The following CACNA1A variants were observed in gnomAD, a reference collection of about 807,000 sequenced individuals.
The protein encoded by CACNA1A is calcium voltage-gated channel subunit alpha1 A, also known as voltage-dependent P/Q-type calcium channel subunit alpha-1A.
CACNA1A carries 57 observed loss-of-function variants against 262.4 expected under a neutral mutation model. The ratio of observed to expected loss-of-function variants is 0.22; its 90% CI spans 0.18 to 0.27. CACNA1A has a LOEUF of 0.27. Among genes scored for constraint, CACNA1A ranks in the 10% least tolerant of loss-of-function variants. The pLI, the probability that CACNA1A is intolerant of heterozygous loss-of-function variation, is 1.00. For missense variants in CACNA1A, 2,526 were observed against 3,562.8 expected, an observed-to-expected ratio of 0.71 and a Z score of 7.41; for synonymous variants, 1,431 against 1,419.3, an observed-to-expected ratio of 1.01 and a Z score of -0.18.
intron 36 of CACNA1A, chr19:13,228,811 AG>A: frequency 1.3e-6 from 2 of 1,500,590 alleles, no homozygotes; most frequent in Non-Finnish European, 1.8e-6. Flanking sequence ...AGGAGAAGAA[AG>A]GGGGTTAGTG....
At position 13,207,130 on chromosome 19, in the gene CACNA1A, T is replaced by C. The variant is rs2054597058; in HGVS notation, c.*183A>G. 1.7e-6 allele frequency: 1 copy of C among 594,576 alleles called. No individual in the cohort carries two copies. 36.8% of individuals were successfully genotyped at this position (594,576 alleles called of 1,614,324 possible). A position where few individuals can be genotyped will look rare whatever the true frequency, so the allele number is the denominator to read the frequency against. ...CGTGGCTGCCCAGGAGGGTCTCTTT[T>C]GGCCGAGGGTCTCTGCGGGACACCC... is the stretch of plus-strand genomic sequence containing the variant. On this transcript the variant is annotated 3_prime_UTR_variant, in exon 47 of 47. Coordinates refer to ENST00000360228, the MANE Select transcript of CACNA1A (RefSeq NM_001127222.2). The surrounding 1 kb of genome is among the most constrained non-coding windows in gnomAD (Gnocchi z 5.7).
chr19:13,433,479 A>AAAAAAAAAAAAAAAAAAAAAAC (rs2060556801), intron 3 of CACNA1A, among the ~76,000 whole-genome samples: 1 of 128,002 alleles, frequency 7.8e-6, no homozygotes, highest in Non-Finnish European at 1.7e-5. Flanking sequence ...AAAAAAAAAA[A>AAAAAAAAAAAAAAAAAAAAAAC]AAAAGTCAGC....
chr19:13,465,731 C>T (rs147603435), intron 1 of CACNA1A, among the ~76,000 whole-genome samples: 5 of 151,914 alleles, frequency 3.3e-5, no homozygotes, highest in South Asian at 2.1e-4. Flanking sequence ...TCAAGCGATC[C>T]GCCCACCTCA....
At chr19:13,224,532 C>T in intron 38 of CACNA1A, 135 bp downstream of exon 38, 1 of 645,204 alleles carries the variant, frequency 1.5e-6, no homozygotes, top group Non-Finnish European at 2.7e-6. Context: ...CCCAAAAAAC[C>T]CTGTGGAACG....
intron 15 of CACNA1A, chr19:13,307,488 C>A (rs1051513462): frequency 7.6e-5 from 23 of 302,894 alleles, no homozygotes; most frequent in African/African-American, 1.3e-4. Context: ...CCCACCTGGG[C>A]TTCCCAAAGC....
At chr19:13,468,354 C>T (rs1256414491) in intron 1 of CACNA1A, among the ~76,000 whole-genome samples, 1 of 152,096 alleles carries the variant, frequency 6.6e-6, no homozygotes, top group African/African-American at 2.4e-5. Context: ...AATTTTCAAC[C>T]ACTTTCCCTT....
At chr19:13,246,323 G>A (rs1007894700) in intron 30 of CACNA1A, among the ~76,000 whole-genome samples, 6 of 152,160 alleles carry the variant, frequency 3.9e-5, no homozygotes, top group Admixed American at 6.5e-5. Flanking sequence ...GTGTGTCTAG[G>A]TGCAGTGATG....
At chr19:13,501,305 A>G (rs1982348823) in intron 1 of CACNA1A, among the ~76,000 whole-genome samples, 1 of 151,724 alleles carries the variant, frequency 6.6e-6, no homozygotes, top group African/African-American at 2.4e-5. Context: ...CCTCCCGAGT[A>G]GCTGGGATTA....
rs769593975 is a variant in CACNA1A, at chr19:13,214,225, C to G, written c.5940+8G>C. 28 of 1,602,858 alleles carry G rather than the reference C, an allele frequency of 1.7e-5. No homozygotes were observed. The highest frequency in any genetic ancestry group is 3.3e-4 in the Middle Eastern group (2 of 6,078). On this transcript the variant is annotated splice_region_variant and intron_variant, in intron 40 of 46. Transcript: ENST00000360228. This position sits in a 1 kb window ranked among gnomAD's most constrained non-coding sequence, Gnocchi z 4.1. ...GCCCAGATGTCCCCAGAGCGGCGAACAGCGCACCTGCTCCTCGCGCATGGC... is the reference window on the plus strand; with the variant it reads ...GCCCAGATGTCCCCAGAGCGGCGAAGAGCGCACCTGCTCCTCGCGCATGGC...
intron 6 of CACNA1A, among the ~76,000 whole-genome samples, chr19:13,355,929 C>T (rs1451092583): frequency 6.6e-6 from 1 of 152,198 alleles, no homozygotes; most frequent in African/African-American, 2.4e-5. Flanking sequence ...CCAAAAATGT[C>T]TGCAGCCACT....
intron 1 of CACNA1A, among the ~76,000 whole-genome samples, chr19:13,483,385 G>A (rs1485181836): frequency 6.6e-6 from 1 of 152,070 alleles, no homozygotes; most frequent in Non-Finnish European, 1.5e-5. Flanking sequence ...ACACCTTTAA[G>A]AAGACTGCTC....
rs371409743 is a variant in CACNA1A at position 13,350,146 on chromosome 19, GT to G, written c.978+9459del. On this transcript the variant is annotated intron_variant, in intron 6 of 46. Coordinates refer to ENST00000360228, the MANE Select transcript of CACNA1A (RefSeq NM_001127222.2). Reference sequence around the variant, plus strand: ...CACGCCATCCCAAAGCTCTTAGGGGGTAGGTTCATCTTGAGGCCCAGCCAGT... The same window carrying G: ...CACGCCATCCCAAAGCTCTTAGGGGGAGGTTCATCTTGAGGCCCAGCCAGT... Among the ~76,000 whole-genome samples, 162 of 152,306 alleles carry G rather than the reference GT, an allele frequency of 1.1e-3. 1 individual carries two copies. Among genetic ancestry groups the G allele is most frequent in the Admixed American group, 2.6e-3 (39 of 15,290 alleles).
chr19:13,375,900 G>A (rs2059397277), intron 3 of CACNA1A, among the ~76,000 whole-genome samples: 1 of 152,186 alleles, frequency 6.6e-6, no homozygotes. Context: ...GTAAACACAT[G>A]AATGATAAGA....
chr19:13,238,758 GTAT>G (rs1476869161), intron 31 of CACNA1A, among the ~76,000 whole-genome samples: 1 of 151,974 alleles, frequency 6.6e-6, no homozygotes, highest in Non-Finnish European at 1.5e-5. Context: ...GCTAATTTTT[GTAT>G]TTTTTAGGAG....
At chr19:13,247,490 A>C (rs2056270504) in intron 30 of CACNA1A, among the ~76,000 whole-genome samples, 1 of 152,032 alleles carries the variant, frequency 6.6e-6, no homozygotes, top group Non-Finnish European at 1.5e-5. Context: ...TCAGGAGATC[A>C]AGACCATCCT....
chr19:13,348,385 AAGAG>A (rs374705400), intron 6 of CACNA1A, among the ~76,000 whole-genome samples: 4 of 151,332 alleles, frequency 2.6e-5, no homozygotes, highest in Admixed American at 6.6e-5. Flanking sequence ...AAAGAGAAGG[AAGAG>A]AGAGAGAGAA....
chr19:13,490,801 GA>G (rs1980756904), intron 1 of CACNA1A, among the ~76,000 whole-genome samples: 1 of 148,110 alleles, frequency 6.8e-6, no homozygotes, highest in African/African-American at 2.5e-5. Flanking sequence ...AAAGAGAAAG[GA>G]AAAAGGAAGG....
At chr19:13,300,457 C>T (rs554047784) in intron 18 of CACNA1A, 93 bp downstream of exon 18, 411 of 857,688 alleles carry the variant, frequency 4.8e-4, no homozygotes, top group Non-Finnish European at 7.0e-4. Flanking sequence ...TCAGTTCTGT[C>T]AAGGACCACC....
intron 31 of CACNA1A, among the ~76,000 whole-genome samples, chr19:13,240,780 C>CACAGTGTGTGT (rs2056057900): frequency 1.3e-5 from 2 of 148,570 alleles, no homozygotes; most frequent in Non-Finnish European, 3.0e-5. Flanking sequence ...ACAGTGTGTG[C>CACAGTGTGTGT]GCAGTGACTG....
Sources: allele counts gnomAD v4.1 joint callset (sites outside exome capture counted in the v4.1 genomes callset), GRCh38; gene constraint gnomAD v4.1.1; non-coding constraint Gnocchi (gnomAD v3.1); transcripts MANE v1.5; gene names NCBI Gene and HGNC (gene_info 2026-07-23, HGNC 2026-07-21).